The following PCM1 variants were observed in gnomAD, a reference collection of about 807,000 sequenced individuals.
PCM1 encodes the protein pericentriolar material 1 protein.
PCM1 carries 157 observed loss-of-function variants against 241.9 expected under a neutral mutation model. That is an observed-to-expected ratio of 0.65 (90% CI 0.57 to 0.74). The LOEUF (loss-of-function observed/expected upper bound fraction) is 0.74. PCM1 is among the 30% of genes least tolerant of loss of function. The pLI is 0.00. For missense variants in PCM1, 3,478 were observed against 2,360.1 expected (o/e 1.47, Z -9.81); for synonymous variants, 1,085 against 784.9 (o/e 1.38, Z -6.39).
chr8:17,983,230 C>T lies in PCM1; in HGVS notation c.4109-2217C>T, dbSNP rs985023825. On this transcript the variant is annotated intron_variant, in intron 24 of 38. Transcript: ENST00000325083. The stretch of plus-strand genomic sequence containing the variant: ...TCATCCTTATGTCTGCCCTTTCCTA[C>T]AGCACATGCTAGGAGAATACTACAG... 3 of 1,317,600 alleles carry T rather than the reference C, an allele frequency of 2.3e-6. No individual in the cohort carries two copies. In the Admixed American group the frequency reaches 6.8e-5, roughly 30 times the overall value. The allele number at this position is 1,317,600 out of a possible 1,614,324, so 81.6% of individuals were successfully genotyped here. A position where few individuals can be genotyped will look rare whatever the true frequency, so the allele number is the denominator to read the frequency against.
rs1322150329 is a variant in PCM1, at chr8:17,957,324, T to G, written c.1707T>G (p.Val569=). 1 of 1,611,832 alleles carries G rather than the reference T, an allele frequency of 6.2e-7. No homozygotes were observed. Among genetic ancestry groups the G allele is most frequent in the Admixed American group, 1.7e-5 (1 of 60,012 alleles). Residue 569 remains valine (V), a synonymous_variant, in exon 12 of 39, where the codon GTT becomes GTG. Transcript: ENST00000325083. ...ATAGTCATAGTAATGCACAGTGTGTTTCTAATAATAGAGATGGGCGAACAG... is the reference window on the plus strand; with the variant it reads ...ATAGTCATAGTAATGCACAGTGTGTGTCTAATAATAGAGATGGGCGAACAG... ...EVNSHSNAQC[V]SNNRDGRTVN...
intron 9 of PCM1, 35 bp from the exon 10 acceptor site, chr8:17,955,434 AT>A: frequency 6.7e-7 from 1 of 1,495,666 alleles, no homozygotes; most frequent in East Asian, 2.4e-5. Context: ...GTAACTGGTG[AT>A]TAAAAAAAAT....
At chr8:17,986,923 TAA>T (rs1431737676) in intron 26 of PCM1, among the ~76,000 whole-genome samples, 1 of 151,858 alleles carries the variant, frequency 6.6e-6, no homozygotes, top group African/African-American at 2.4e-5. Context: ...GTGTTAATAC[TAA>T]GTTTTTTCTG....
chr8:17,959,715 C>CGAA (rs2070727052), intron 13 of PCM1, among the ~76,000 whole-genome samples: 1 of 151,838 alleles, frequency 6.6e-6, no homozygotes, highest in Non-Finnish European at 1.5e-5. Context: ...TTTCTCCACA[C>CGAA]CCTTGATTGT....
intron 38 of PCM1, among the ~76,000 whole-genome samples, chr8:18,027,057 CTTTT>C (rs2094284094): frequency 1.3e-5 from 2 of 152,114 alleles, no homozygotes; most frequent in African/African-American, 4.8e-5. Context: ...AAAGGGTTTT[CTTTT>C]TGTTGTTCTC....
chr8:17,972,341 G>T lies in PCM1; in HGVS notation c.3597G>T (p.Leu1199=). The T allele has an allele frequency of 6.7e-7, 1 of 1,503,032 alleles. No homozygotes were observed. Among genetic ancestry groups the T allele is most frequent in the South Asian group, 1.4e-5 (1 of 70,144 alleles). The allele number at this position is 1,503,032 out of a possible 1,614,324, so 93.1% of individuals were successfully genotyped here. Residue 1199 remains leucine (L), a synonymous_variant, in exon 23 of 39, where the codon CTG becomes CTT. Coordinates refer to ENST00000325083, the MANE Select transcript of PCM1 (RefSeq NM_006197.4). ...IGAEKPRNKK[L]PEEEVESSRT... Reference sequence around the variant, plus strand: ...TTTCATTGGTAAGGAATAAAAAACTGCCTGAAGAGGAGGTGGAAAGCAGTA... The same window carrying T: ...TTTCATTGGTAAGGAATAAAAAACTTCCTGAAGAGGAGGTGGAAAGCAGTA...
intron 33 of PCM1, 91 bp downstream of exon 33, chr8:18,011,457 TTAAG>T (rs776219170): frequency 3.8e-4 from 463 of 1,225,964 alleles, no homozygotes; most frequent in Non-Finnish European, 4.9e-4. Flanking sequence ...AAGTATAAAA[TTAAG>T]TGTCAAAGAA....
intron 2 of PCM1, among the ~76,000 whole-genome samples, chr8:17,933,989 G>T (rs1054476175): frequency 6.6e-6 from 1 of 151,444 alleles, no homozygotes; most frequent in African/African-American, 2.4e-5. Flanking sequence ...TAACAGGAAG[G>T]GTCAATGTAT....
At chr8:17,930,803 C>T (rs1052621136) in intron 2 of PCM1, among the ~76,000 whole-genome samples, 4 of 151,890 alleles carry the variant, frequency 2.6e-5, no homozygotes, top group East Asian at 2.0e-4. Flanking sequence ...TGACGTGAAC[C>T]TGGGAGGCGG....
At position 17,961,997 on chromosome 8, in the gene PCM1, T is replaced by A. The variant is rs1349943378; in HGVS notation, c.2323-37T>A. Reference sequence around the variant, plus strand: ...TTTTATGAAATTAATATAATTGCTTTAATTCCTCATAACGTTTTTTGTGAA... The same window carrying A: ...TTTTATGAAATTAATATAATTGCTTAAATTCCTCATAACGTTTTTTGTGAA... On this transcript the variant is annotated intron_variant, in intron 15 of 38. Coordinates refer to ENST00000325083, the MANE Select transcript of PCM1 (RefSeq NM_006197.4). 1.9e-6 allele frequency: 3 copies of A among 1,573,182 alleles called. No homozygotes were observed. The South Asian group carries it at 3.5e-5, about 18-fold the overall frequency.
chr8:17,962,003 C>T (rs1288022416), intron 15 of PCM1, 31 bp from the exon 16 acceptor site: 3 of 1,583,094 alleles, frequency 1.9e-6, no homozygotes, highest in Non-Finnish European at 1.7e-6. Context: ...GCTTTAATTC[C>T]TCATAACGTT....
chr8:17,932,585 T>C (rs917417183), intron 2 of PCM1, among the ~76,000 whole-genome samples: 1 of 152,134 alleles, frequency 6.6e-6, no homozygotes, highest in Non-Finnish European at 1.5e-5. Context: ...AAACAAATTC[T>C]CTGTATAACA....
chr8:18,015,213 A>G (rs1201882661), intron 36 of PCM1, among the ~76,000 whole-genome samples: 1 of 151,826 alleles, frequency 6.6e-6, no homozygotes, highest in Non-Finnish European at 1.5e-5. Flanking sequence ...GATAGGAAAT[A>G]AAACAGTTTG....
At position 17,989,851 on chromosome 8, in the gene PCM1, T is replaced by C; in HGVS notation, c.4411-8T>C. 6.6e-7 allele frequency: 1 copy of C among 1,522,876 alleles called. No homozygotes were observed. The allele number at this position is 1,522,876 out of a possible 1,614,324, so 94.3% of individuals were successfully genotyped here. On this transcript the variant is annotated splice_polypyrimidine_tract_variant and splice_region_variant and intron_variant, in intron 26 of 38. Transcript: ENST00000325083. ...TTAGTGATTTTTGTTTGTTTTACTGTAACTTAGGAAACTTTTGAGAAGAAC... is the reference window on the plus strand; with the variant it reads ...TTAGTGATTTTTGTTTGTTTTACTGCAACTTAGGAAACTTTTGAGAAGAAC...
Position 17,935,606 on chromosome 8 carries a change from C to T in PCM1, c.-5C>T. 1 of 1,357,970 alleles carries T rather than the reference C, an allele frequency of 7.4e-7. No homozygotes were observed. The highest frequency in any genetic ancestry group is 1.1e-6 in the Non-Finnish European group (1 of 947,428). 84.1% of individuals were successfully genotyped at this position (1,357,970 alleles called of 1,614,324 possible). A position where few individuals can be genotyped will look rare whatever the true frequency, so the allele number is the denominator to read the frequency against. The stretch of plus-strand genomic sequence containing the variant: ...TTTCGCAGAGAGTTAATTGTTAAAT[C>T]CAGTATGGCCACAGGAGGAGGTCCC... On this transcript the variant is annotated 5_prime_UTR_variant, in exon 3 of 39. Coordinates refer to ENST00000325083, the MANE Select transcript of PCM1 (RefSeq NM_006197.4).
At chr8:17,992,935 G>GTTT (rs3039044) in intron 28 of PCM1, among the ~76,000 whole-genome samples, 15 of 123,944 alleles carry the variant, frequency 1.2e-4, no homozygotes, top group Admixed American at 7.4e-4. Context: ...CTTTTTGATG[G>GTTT]TTTTTTTTTT....
rs201404424 is a variant in PCM1 at position 17,972,503 on chromosome 8, T to A, written c.3759T>A (p.Phe1253Leu). Residue 1253 changes from phenylalanine to leucine, a missense_variant, in exon 23 of 39, where the codon TTT becomes TTA. Physicochemically the swap from Phe to Leu is conservative, Grantham distance 22 (BLOSUM62 0). Coordinates refer to ENST00000325083, the MANE Select transcript of PCM1 (RefSeq NM_006197.4). Reference sequence around the variant, plus strand: ...ATACAAACGGAAGAAGACGCCAGTTTGATGAAGAATCACTGGAAAGCTTTA... The same window carrying A: ...ATACAAACGGAAGAAGACGCCAGTTAGATGAAGAATCACTGGAAAGCTTTA... ...QLDTNGRRRQ[F>L]DEESLESFSS... The A allele has an allele frequency of 3.1e-6, 5 of 1,613,912 alleles. No individual in the cohort carries two copies. The African/African-American group carries it at 5.3e-5, about 17-fold the overall frequency.
At chr8:17,954,777 A>G (rs544683278) in intron 9 of PCM1, among the ~76,000 whole-genome samples, 1 of 152,350 alleles carries the variant, frequency 6.6e-6, no homozygotes, top group African/African-American at 2.4e-5. Context: ...TGAAAGCATG[A>G]TTTATATTTG....
chr8:18,028,769 C>CAA lies in PCM1; in HGVS notation c.*1109_*1110dup, dbSNP rs1162863787. On this transcript the variant is annotated 3_prime_UTR_variant, in exon 39 of 39. Transcript: ENST00000325083. ...AGATTCTTCTTCCTCGAATAAAATACAAAGAATTAGTTCCAATAAGTATTT... is the reference window on the plus strand; with the variant it reads ...AGATTCTTCTTCCTCGAATAAAATACAAAAAGAATTAGTTCCAATAAGTATTT... 1 of 192,840 alleles carries CAA rather than the reference C, an allele frequency of 5.2e-6. No individual in the cohort carries two copies. The highest frequency in any genetic ancestry group is 8.2e-5 in the East Asian group (1 of 12,224). 11.9% of individuals were successfully genotyped at this position (192,840 alleles called of 1,614,324 possible). A position where few individuals can be genotyped will look rare whatever the true frequency, so the allele number is the denominator to read the frequency against.
Sources: gnomAD v4.1 joint callset for allele counts (sites outside exome capture counted in the v4.1 genomes callset) on GRCh38, gnomAD v4.1.1 for gene constraint, MANE v1.5 for transcripts, NCBI Gene and HGNC (gene_info 2026-07-23, HGNC 2026-07-21) for gene names.